Variants in ANO3 observed in about 807,000 individuals in gnomAD.
ANO3 encodes anoctamin-3.
Under a neutral mutation model 144.8 loss-of-function variants are expected in ANO3, and 99 were observed. The observed-to-expected ratio is 0.68, with a 90% CI of 0.58 to 0.81. The LOEUF is 0.81. Ranked by LOEUF, ANO3 falls within the 30% of genes least tolerant of loss-of-function variation. The pLI is 0.00. For missense variants in ANO3, 905 were observed against 1,202.2 expected, an observed-to-expected ratio of 0.75 and a Z score of 3.66; for synonymous variants, 414 against 392.6, an observed-to-expected ratio of 1.05 and a Z score of -0.64.
At chr11:26,407,064 G>GTATATA (rs1362693401) in intron 1 of ANO3, among the ~76,000 whole-genome samples, 14 of 60,042 alleles carry the variant, frequency 2.3e-4, no homozygotes, top group Admixed American at 8.6e-4. Flanking sequence ...GTGTGTGTGT[G>GTATATA]TGTGTGTGTG....
chr11:26,223,855 TAG>T (rs1236225640), intron 1 of ANO3, among the ~76,000 whole-genome samples: 1 of 151,916 alleles, frequency 6.6e-6, no homozygotes, highest in African/African-American at 2.4e-5. Flanking sequence ...AGTGAACTGG[TAG>T]AGAGAGAAGT....
intron 25 of ANO3, 31 bp from the exon 26 acceptor site, chr11:26,656,345 T>G (rs1853688333): frequency 6.6e-7 from 1 of 1,526,000 alleles, no homozygotes; most frequent in Non-Finnish European, 9.1e-7. Context: ...TGATCTCTAT[T>G]TGTCATTCTC....
At position 26,598,463 on chromosome 11, in the gene ANO3, A is replaced by G; in HGVS notation, c.1530+16A>G. Reference sequence around the variant, plus strand: ...AGAAGAGGAGGTAAGATGTTAGGATACAAGGAAATAGGGAAACTGGGCTAT... The same window carrying G: ...AGAAGAGGAGGTAAGATGTTAGGATGCAAGGAAATAGGGAAACTGGGCTAT... On this transcript the variant is annotated intron_variant, in intron 15 of 26. Coordinates refer to ENST00000256737, the MANE Select transcript of ANO3 (RefSeq NM_031418.4). 1 of 1,540,804 alleles carries G rather than the reference A, an allele frequency of 6.5e-7. No homozygotes were observed. The highest frequency in any genetic ancestry group is 2.3e-5 in the East Asian group (1 of 42,722).
At chr11:26,392,645 T>A (rs1856912974) in intron 1 of ANO3, among the ~76,000 whole-genome samples, 1 of 152,080 alleles carries the variant, frequency 6.6e-6, no homozygotes, top group African/African-American at 2.4e-5. Context: ...GTAAAAGTGA[T>A]AATGAGAAAA....
At chr11:26,660,231 A>G (rs1453861287) in intron 26 of ANO3, 31 bp from the exon 27 acceptor site, 3 of 1,602,718 alleles carry the variant, frequency 1.9e-6, no homozygotes, top group Admixed American at 3.4e-5. Flanking sequence ...AGAATCTTTG[A>G]AAACTGTCCT....
At chr11:26,230,726 G>T (rs901348969) in intron 1 of ANO3, among the ~76,000 whole-genome samples, 12 of 129,612 alleles carry the variant, frequency 9.3e-5, no homozygotes, top group Admixed American at 5.7e-4. Context: ...GAACTCAGAA[G>T]ACAGAGGTTG....
At chr11:26,336,287 T>C (rs1217267377) in intron 1 of ANO3, among the ~76,000 whole-genome samples, 1 of 152,174 alleles carries the variant, frequency 6.6e-6, no homozygotes, top group South Asian at 2.1e-4. Flanking sequence ...AGACTTTTCA[T>C]AGAACCATAG....
chr11:26,427,211 A>C (rs1260383906), intron 1 of ANO3: 1 of 194,194 alleles, frequency 5.1e-6, no homozygotes, highest in East Asian at 1.2e-4. Flanking sequence ...ATCTCCAAAC[A>C]ACAAGTTCAA....
At chr11:26,291,874 A>G (rs1427538337) in intron 1 of ANO3, among the ~76,000 whole-genome samples, 1 of 151,976 alleles carries the variant, frequency 6.6e-6, no homozygotes, top group Admixed American at 6.6e-5. Context: ...GGTGAATCTG[A>G]CAATTATGTG....
intron 1 of ANO3, among the ~76,000 whole-genome samples, chr11:26,219,546 A>G (rs1045211183): frequency 1.3e-5 from 2 of 152,186 alleles, no homozygotes; most frequent in African/African-American, 4.8e-5. Context: ...AATGTTGAAT[A>G]TTATACCAAT....
intron 1 of ANO3, among the ~76,000 whole-genome samples, chr11:26,228,411 G>T (rs939764248): frequency 9.9e-5 from 15 of 152,166 alleles, no homozygotes; most frequent in Admixed American, 9.2e-4. Flanking sequence ...ATAACAAGAG[G>T]TGTAGCACTA....
intron 2 of ANO3, 84 bp from the exon 3 acceptor site, chr11:26,443,681 C>G (rs1191559733): frequency 1.6e-6 from 1 of 634,796 alleles, no homozygotes. Context: ...GTTTGGCCAT[C>G]ATTTGTCCAT....
intron 17 of ANO3, among the ~76,000 whole-genome samples, chr11:26,621,772 T>G (rs1022007871): frequency 6.6e-6 from 1 of 152,134 alleles, no homozygotes; most frequent in Non-Finnish European, 1.5e-5. Flanking sequence ...ATGAATATAT[T>G]AATTAATATA....
intron 1 of ANO3, among the ~76,000 whole-genome samples, chr11:26,400,411 G>T (rs995267441): frequency 4.0e-5 from 6 of 151,814 alleles, no homozygotes; most frequent in Non-Finnish European, 7.4e-5. Context: ...AATTGTGTTT[G>T]TTTTTTTATT....
At chr11:26,372,959 T>C (rs1856303970) in intron 1 of ANO3, among the ~76,000 whole-genome samples, 1 of 152,214 alleles carries the variant, frequency 6.6e-6, no homozygotes, top group South Asian at 2.1e-4. Context: ...ATCCCAAAAA[T>C]ATAAAGGATA....
At chr11:26,435,671 G>A (rs1055986527) in intron 1 of ANO3, among the ~76,000 whole-genome samples, 4 of 151,924 alleles carry the variant, frequency 2.6e-5, no homozygotes, top group Non-Finnish European at 5.9e-5. Flanking sequence ...TCTCAGCTTG[G>A]TCTGTTCTAC....
At chr11:26,392,607 G>T (rs181136763) in intron 1 of ANO3, among the ~76,000 whole-genome samples, 1 of 152,154 alleles carries the variant, frequency 6.6e-6, no homozygotes, top group East Asian at 1.9e-4. Context: ...ACATTTAGGA[G>T]GCTGGTACAG....
rs12099314 is a variant in ANO3 at position 26,253,635 on chromosome 11, C to T, written c.155-56010C>T. On this transcript the variant is annotated intron_variant, in intron 1 of 27. Transcript: ENST00000672621. ...ACCGAATGCTTTGGTTTGAAATAAGCTTAAGAAATCAAGGAATCAAATGTT... is the reference window on the plus strand; with the variant it reads ...ACCGAATGCTTTGGTTTGAAATAAGTTTAAGAAATCAAGGAATCAAATGTT... 3.1e-3 allele frequency among the ~76,000 whole-genome samples: 475 copies of T among 151,096 alleles called. 2 individuals carry two copies. Among genetic ancestry groups the T allele is most frequent in the African/African-American group, 0.011 (454 of 41,220 alleles).
chr11:26,396,104 C>T (rs988340981), intron 1 of ANO3, among the ~76,000 whole-genome samples: 1 of 152,020 alleles, frequency 6.6e-6, no homozygotes, highest in Non-Finnish European at 1.5e-5. Flanking sequence ...AAGAAAAAAA[C>T]AACCCCCTCA....
Sources: allele counts gnomAD v4.1 joint callset (sites outside exome capture counted in the v4.1 genomes callset), GRCh38; gene constraint gnomAD v4.1.1; transcripts MANE v1.5; gene names NCBI Gene and HGNC (gene_info 2026-07-23, HGNC 2026-07-21).